STAG1: variants seen among roughly 807,000 people sequenced by gnomAD.
The protein encoded by STAG1 is cohesin subunit SA-1.
A neutral mutation model predicts 170.9 loss-of-function variants in STAG1; 26 were observed. The ratio of observed to expected loss-of-function variants is 0.15; its 90% CI spans 0.11 to 0.21. The LOEUF is 0.21. STAG1 is among the 10% of genes least tolerant of loss of function. The pLI is 1.00. For missense variants in STAG1, 964 were observed against 1,509.5 expected (o/e 0.64, Z 5.99); for synonymous variants, 514 against 497.7 (o/e 1.03, Z -0.44).
In STAG1 at chr3:136,357,656, CA is replaced by C. The variant is rs957433651; in HGVS notation, c.3065+63del. 53 of 1,356,472 alleles carry C rather than the reference CA, an allele frequency of 3.9e-5. No homozygotes were observed. In the African/African-American group the frequency reaches 7.2e-4, roughly 18 times the overall value. 84.0% of individuals were successfully genotyped at this position (1,356,472 alleles called of 1,614,324 possible). A position where few individuals can be genotyped will look rare whatever the true frequency, so the allele number is the denominator to read the frequency against. ...GATATCCAAATGATTAAAAATTTTT[CA>C]AAAAATAAACATTTACAACAGTATT... On this transcript the variant is annotated intron_variant, in intron 28 of 33. Transcript: ENST00000383202.
chr3:136,476,366 C>A (rs752741800), intron 10 of STAG1, among the ~76,000 whole-genome samples: 6 of 152,184 alleles, frequency 3.9e-5, no homozygotes, highest in Non-Finnish European at 8.8e-5. Context: ...TCCTGACCAT[C>A]ATAGTCAAGG....
intron 28 of STAG1, among the ~76,000 whole-genome samples, chr3:136,354,356 G>T (rs574952739): frequency 6.6e-6 from 1 of 152,270 alleles, no homozygotes; most frequent in East Asian, 1.9e-4. Flanking sequence ...GCAGTGGCAC[G>T]ATATTGGCTT....
intron 6 of STAG1, among the ~76,000 whole-genome samples, chr3:136,536,748 T>G (rs1405078960): frequency 1.3e-5 from 2 of 151,298 alleles, no homozygotes; most frequent in Non-Finnish European, 2.9e-5. Flanking sequence ...GGAGCTAGAT[T>G]GTTTGGGTTC....
In STAG1 at chr3:136,507,558, G is replaced by A. The variant is rs769873246; in HGVS notation, c.677-4779C>T. 5.8e-4 allele frequency among the ~76,000 whole-genome samples: 88 copies of A among 152,038 alleles called. 1 individual carries two copies. The highest frequency in any genetic ancestry group is 3.4e-3 in the Middle Eastern group (1 of 294). On this transcript the variant is annotated intron_variant, in intron 7 of 33. Coordinates refer to ENST00000383202, the MANE Select transcript of STAG1 (RefSeq NM_005862.3). ...AAAAAAAATTTTTTTGTAGAGATGG[G>A]GGTCCCACTATATTGCCCAGGTTGG...
chr3:136,380,147 T>G (rs1214035408), intron 22 of STAG1, among the ~76,000 whole-genome samples: 1 of 152,212 alleles, frequency 6.6e-6, no homozygotes, highest in African/African-American at 2.4e-5. Context: ...AGATGCTAAG[T>G]GACAGAGCAA....
intron 23 of STAG1, among the ~76,000 whole-genome samples, chr3:136,374,391 G>A (rs1381716695): frequency 6.6e-6 from 1 of 152,194 alleles, no homozygotes; most frequent in African/African-American, 2.4e-5. Flanking sequence ...GCCAAGGTGG[G>A]AGGATCACCT....
At chr3:136,719,782 AT>A (rs1410225252) in intron 1 of STAG1, among the ~76,000 whole-genome samples, 2 of 152,102 alleles carry the variant, frequency 1.3e-5, no homozygotes, top group African/African-American at 4.8e-5. Context: ...GGACTGCAAA[AT>A]CCATACTCTT....
At chr3:136,711,119 T>C (rs1227662945) in intron 1 of STAG1, among the ~76,000 whole-genome samples, 2 of 151,646 alleles carry the variant, frequency 1.3e-5, no homozygotes, top group African/African-American at 2.4e-5. Flanking sequence ...TAAGAATAAA[T>C]CTAACAAAAG....
At chr3:136,558,741 T>C (rs1256118371) in intron 5 of STAG1, among the ~76,000 whole-genome samples, 1 of 152,202 alleles carries the variant, frequency 6.6e-6, no homozygotes, top group Non-Finnish European at 1.5e-5. Context: ...GCATATCTTA[T>C]AACCCAGCAA....
chr3:136,722,890 C>T (rs958880102), intron 1 of STAG1, among the ~76,000 whole-genome samples: 4 of 152,200 alleles, frequency 2.6e-5, no homozygotes, highest in South Asian at 2.1e-4. Context: ...GACGGGGTTT[C>T]GCTGTGTTGG....
chr3:136,373,940 G>A (rs1053742591), intron 23 of STAG1, among the ~76,000 whole-genome samples: 2 of 152,116 alleles, frequency 1.3e-5, no homozygotes, highest in African/African-American at 4.8e-5. Flanking sequence ...TGACAGTGGG[G>A]TGTTAAAGTC....
chr3:136,657,824 A>AAAAC (rs1222963178), intron 1 of STAG1, among the ~76,000 whole-genome samples: 1 of 152,174 alleles, frequency 6.6e-6, no homozygotes, highest in Non-Finnish European at 1.5e-5. Context: ...GCTGTCTCAA[A>AAAAC]AAACAAACAA....
chr3:136,398,288 T>C (rs1210132004), intron 22 of STAG1, among the ~76,000 whole-genome samples: 1 of 152,148 alleles, frequency 6.6e-6, no homozygotes, highest in Non-Finnish European at 1.5e-5. Flanking sequence ...CAGCTAATTT[T>C]TGTATTCTTA....
intron 1 of STAG1, among the ~76,000 whole-genome samples, chr3:136,649,146 T>C (rs920700418): frequency 1.3e-4 from 20 of 152,192 alleles, no homozygotes; most frequent in Non-Finnish European, 2.4e-4. Context: ...ATTTCCTCCC[T>C]GAAACATTCT....
At chr3:136,627,401 CTG>C (rs1460799957) in intron 2 of STAG1, among the ~76,000 whole-genome samples, 2 of 152,128 alleles carry the variant, frequency 1.3e-5, no homozygotes, top group African/African-American at 2.4e-5. Flanking sequence ...TTGCATCTCT[CTG>C]TCTCTCTCTC....
At chr3:136,413,892 C>T (rs2087700244) in intron 21 of STAG1, among the ~76,000 whole-genome samples, 1 of 152,286 alleles carries the variant, frequency 6.6e-6, no homozygotes, top group South Asian at 2.1e-4. Context: ...CCCAGACCAT[C>T]ACAAAAAAGC....
chr3:136,748,628 C>T (rs1370456726), intron 1 of STAG1, among the ~76,000 whole-genome samples: 2 of 152,008 alleles, frequency 1.3e-5, no homozygotes, highest in African/African-American at 2.4e-5. Flanking sequence ...TCTGAAACTC[C>T]TGACCTCAGG....
intron 3 of STAG1, among the ~76,000 whole-genome samples, chr3:136,605,175 T>C (rs1209293179): frequency 2.0e-5 from 3 of 152,198 alleles, no homozygotes; most frequent in Admixed American, 2.0e-4. Context: ...ATGCTGAACG[T>C]ATCTGGAACT....
At chr3:136,469,565 T>G (rs1342203304) in intron 12 of STAG1, among the ~76,000 whole-genome samples, 121 of 142,946 alleles carry the variant, frequency 8.5e-4, no homozygotes, top group Admixed American at 1.7e-3. Flanking sequence ...CTGCCCAAGG[T>G]AATTTATAGA....
Sources: gnomAD v4.1 joint callset for allele counts (sites outside exome capture counted in the v4.1 genomes callset) on GRCh38, gnomAD v4.1.1 for gene constraint, MANE v1.5 for transcripts, NCBI Gene and HGNC (gene_info 2026-07-23, HGNC 2026-07-21) for gene names.